Variants in CMIP observed in about 807,000 individuals in gnomAD.
CMIP encodes C-Maf-inducing protein.
A neutral mutation model predicts 97.3 loss-of-function variants in CMIP; 13 were observed. That is an observed-to-expected ratio of 0.13 (90% confidence interval 0.09 to 0.21). The LOEUF is 0.21. CMIP is among the 10% of genes least tolerant of loss of function. The pLI, the probability that CMIP is intolerant of heterozygous loss-of-function variation, is 1.00. For missense variants in CMIP, 847 were observed against 1,024.9 expected (o/e 0.83, Z 2.37); for synonymous variants, 538 against 436.3 (o/e 1.23, Z -2.91).
intron 1 of CMIP, among the ~76,000 whole-genome samples, chr16:81,507,689 C>G (rs953381875): frequency 6.6e-6 from 1 of 152,174 alleles, no homozygotes; most frequent in Non-Finnish European, 1.5e-5. Context: ...AAAGTGTGCA[C>G]AGATGTGGAG....
chr16:81,528,544 T>G (rs988608180), intron 1 of CMIP, among the ~76,000 whole-genome samples: 1 of 152,176 alleles, frequency 6.6e-6, no homozygotes, highest in Non-Finnish European at 1.5e-5. Flanking sequence ...GAGATGTACT[T>G]TTGAGTCAGC....
chr16:81,583,207 G>A (rs527770320), intron 1 of CMIP, among the ~76,000 whole-genome samples: 9 of 152,220 alleles, frequency 5.9e-5, no homozygotes, highest in Non-Finnish European at 1.2e-4. Context: ...TGGCCTGCCT[G>A]GCCCCTTTGT....
At chr16:81,486,235 A>G (rs772092395) in intron 1 of CMIP, among the ~76,000 whole-genome samples, 25 of 152,356 alleles carry the variant, frequency 1.6e-4, no homozygotes, top group Middle Eastern at 3.4e-3. Flanking sequence ...CAGGTTCCCA[A>G]GAAGTGGCTG....
At chr16:81,550,591 G>A (rs1383729049) in intron 1 of CMIP, among the ~76,000 whole-genome samples, 1 of 152,146 alleles carries the variant, frequency 6.6e-6, no homozygotes, top group Non-Finnish European at 1.5e-5. Context: ...TGTGGCCTGG[G>A]GTCACATGGC....
intron 17 of CMIP, 113 bp downstream of exon 17, chr16:81,702,782 CA>C (rs1907566697): frequency 2.2e-6 from 2 of 905,828 alleles, no homozygotes; most frequent in Non-Finnish European, 3.6e-6. Context: ...GAGGGCGGGG[CA>C]CAAGGACCCC....
At chr16:81,565,849 C>T (rs1597095182) in intron 1 of CMIP, among the ~76,000 whole-genome samples, 1 of 152,254 alleles carries the variant, frequency 6.6e-6, no homozygotes, top group Admixed American at 6.5e-5. Flanking sequence ...TGCCGACTCT[C>T]ACCCAGCTTT....
rs975667014 is a variant in CMIP, at chr16:81,711,605, A to T, written c.*1806A>T. ...AAATAAAAAAATAAATAAAAATAAAAAAAATAAAAAAGGAAAAAAAAAAAA... is the reference window on the plus strand; with the variant it reads ...AAATAAAAAAATAAATAAAAATAAATAAAATAAAAAAGGAAAAAAAAAAAA... On this transcript the variant is annotated 3_prime_UTR_variant, in exon 21 of 21. Transcript: ENST00000537098. 5.9e-5 allele frequency: 4 copies of T among 67,534 alleles called. No homozygotes were observed. Among genetic ancestry groups the T allele is most frequent in the South Asian group, 6.7e-4 (1 of 1,494 alleles). 4.2% of individuals were successfully genotyped at this position (67,534 alleles called of 1,614,324 possible).
At chr16:81,636,069 T>G (rs7196003) in intron 3 of CMIP, among the ~76,000 whole-genome samples, 132,945 of 151,864 alleles carry the variant, frequency 0.88, 58,286 homozygotes, top group East Asian at 0.95. Context: ...ATTGGGCTGG[T>G]TGTGTGTTTG....
intron 2 of CMIP, chr16:81,611,449 G>C (rs2091830647): frequency 6.6e-6 from 1 of 152,550 alleles, no homozygotes; most frequent in African/African-American, 2.4e-5. Flanking sequence ...GAGGGCTAGT[G>C]CCCCTTCCCT....
At chr16:81,472,067 G>A (rs1237130246) in intron 1 of CMIP, among the ~76,000 whole-genome samples, 1 of 152,188 alleles carries the variant, frequency 6.6e-6, no homozygotes, top group Non-Finnish European at 1.5e-5. Context: ...CAATGTATAT[G>A]CCGTGTACAC....
chr16:81,621,128 G>C lies in CMIP; in HGVS notation c.477+202G>C. Reference sequence around the variant, plus strand: ...TCCTGTCCCCTGCAGTGCTGAAATAGCATTCTCGCCCTGGTGTTCTCAAAC... The same window carrying C: ...TCCTGTCCCCTGCAGTGCTGAAATACCATTCTCGCCCTGGTGTTCTCAAAC... On this transcript the variant is annotated intron_variant, in intron 3 of 20. Transcript: ENST00000537098. This position sits in a 1 kb window ranked among gnomAD's most constrained non-coding sequence, Gnocchi z 4.1. The C allele has an allele frequency of 3.5e-6, 2 of 564,336 alleles. No individual in the cohort carries two copies. The highest frequency in any genetic ancestry group is 6.3e-6 in the Non-Finnish European group (2 of 315,968). 35.0% of individuals were successfully genotyped at this position (564,336 alleles called of 1,614,324 possible).
At chr16:81,447,320 C>T (rs1905919319) in intron 1 of CMIP, among the ~76,000 whole-genome samples, 1 of 151,490 alleles carries the variant, frequency 6.6e-6, no homozygotes, top group Admixed American at 6.6e-5. Context: ...GGAACAGTGA[C>T]CTGCCATGGG....
intron 1 of CMIP, among the ~76,000 whole-genome samples, chr16:81,521,446 C>T (rs1392660063): frequency 6.6e-6 from 1 of 152,072 alleles, no homozygotes; most frequent in Non-Finnish European, 1.5e-5. Flanking sequence ...CCGGTGACCG[C>T]CAAGGTCGGC....
intron 1 of CMIP, among the ~76,000 whole-genome samples, chr16:81,560,773 A>G (rs963870289): frequency 1.3e-5 from 2 of 152,192 alleles, no homozygotes; most frequent in African/African-American, 2.4e-5. Flanking sequence ...AATATTTACC[A>G]CTGTGCTACA....
intron 2 of CMIP, chr16:81,618,966 T>C (rs929755211): frequency 1.3e-5 from 2 of 152,270 alleles, no homozygotes; most frequent in African/African-American, 4.8e-5. Flanking sequence ...GCTTGGGCAG[T>C]GCTGATGGGA....
At chr16:81,501,907 A>C (rs1054468592) in intron 1 of CMIP, among the ~76,000 whole-genome samples, 1 of 152,126 alleles carries the variant, frequency 6.6e-6, no homozygotes. Flanking sequence ...CCATTCTGCT[A>C]CTAACCGGCA....
intron 3 of CMIP, among the ~76,000 whole-genome samples, chr16:81,649,361 G>T (rs1243546242): frequency 6.6e-6 from 1 of 152,262 alleles, no homozygotes; most frequent in Non-Finnish European, 1.5e-5. Flanking sequence ...GACCCCGAGG[G>T]CTCGTGTCTG....
At chr16:81,517,092 G>C (rs983008410) in intron 1 of CMIP, among the ~76,000 whole-genome samples, 1 of 151,842 alleles carries the variant, frequency 6.6e-6, no homozygotes, top group African/African-American at 2.4e-5. Flanking sequence ...AAGGTCATCA[G>C]TGGAAAACCA....
chr16:81,692,068 A>C (rs994686771), intron 11 of CMIP, among the ~76,000 whole-genome samples: 9 of 152,126 alleles, frequency 5.9e-5, no homozygotes, highest in African/African-American at 2.2e-4. Context: ...ACATTGTAGG[A>C]GCTGCTTGAC....
Sources: gnomAD v4.1 joint callset for allele counts (sites outside exome capture counted in the v4.1 genomes callset) on GRCh38, gnomAD v4.1.1 for gene constraint, Gnocchi (gnomAD v3.1) non-coding constraint, MANE v1.5 for transcripts, NCBI Gene and HGNC (gene_info 2026-07-23, HGNC 2026-07-21) for gene names.